PRIM2: variants seen among roughly 807,000 people sequenced by gnomAD.
The protein encoded by PRIM2 is DNA primase subunit 2.
In PRIM2, 39 loss-of-function variants were observed where a neutral mutation model predicts 67.3. The observed-to-expected ratio is 0.58, with a 90% CI of 0.45 to 0.76. PRIM2 has a LOEUF of 0.76. Ranked by LOEUF, PRIM2 falls within the 30% of genes least tolerant of loss-of-function variation. The pLI is 0.00. For synonymous variants in PRIM2, 143 were observed against 198.7 expected (o/e 0.72, Z 2.36); for missense variants, 398 against 598.7 (o/e 0.66, Z 3.50).
the PRIM2 span, among the ~76,000 whole-genome samples, chr6:57,268,179 A>T: frequency 2.0e-5 from 3 of 152,146 alleles, no homozygotes; most frequent in Non-Finnish European, 4.4e-5. Context: ...GGGAGGAGAC[A>T]TGTCTTCCTA....
intron 12 of PRIM2, among the ~76,000 whole-genome samples, chr6:57,618,083 T>C (rs1776785754): frequency 6.6e-6 from 1 of 152,224 alleles, no homozygotes; most frequent in Non-Finnish European, 1.5e-5. Context: ...ATTTCTACTG[T>C]ACTGGTCTAT....
At chr6:57,431,533 A>G (rs72873543) in intron 7 of PRIM2, among the ~76,000 whole-genome samples, 1 of 151,996 alleles carries the variant, frequency 6.6e-6, no homozygotes, top group Non-Finnish European at 1.5e-5. Flanking sequence ...AGGTGCACCC[A>G]GCTACTTGGG....
At chr6:57,256,868 TAGTCTAGTCTCCTA>T in the PRIM2 span, among the ~76,000 whole-genome samples, 2 of 152,238 alleles carry the variant, frequency 1.3e-5, no homozygotes, top group African/African-American at 4.8e-5. Flanking sequence ...ACTGATGTGC[TAGTCTAGTCTCCTA>T]CCTACTGCTA....
intron 7 of PRIM2, among the ~76,000 whole-genome samples, chr6:57,491,176 A>C (rs1310385384): frequency 1.1e-4 from 16 of 152,234 alleles, no homozygotes; most frequent in Non-Finnish European, 1.8e-4. Flanking sequence ...AAAACCAAAG[A>C]AATCTAAAAT....
intron 7 of PRIM2, chr6:57,383,614 C>CT (rs60585407): frequency 1.4e-5 from 2 of 142,090 alleles, no homozygotes; most frequent in Non-Finnish European, 3.1e-5. Flanking sequence ...ATGAAGTAGT[C>CT]TTTTTTTCCC....
intron 7 of PRIM2, among the ~76,000 whole-genome samples, chr6:57,478,326 GTTTTTTTTTTGT>G (rs1773528126): frequency 7.5e-6 from 1 of 133,758 alleles, no homozygotes; most frequent in South Asian, 2.4e-4. Flanking sequence ...TTGTGGTTGT[GTTTTTTTTTTGT>G]TTTTTTTTTT....
intron 7 of PRIM2, among the ~76,000 whole-genome samples, chr6:57,502,085 G>T (rs1554346923): frequency 0.046 from 6,994 of 152,114 alleles, 541 homozygotes; most frequent in African/African-American, 0.16. Flanking sequence ...CTATGTCATG[G>T]TCACTCTTTT....
intron 12 of PRIM2, among the ~76,000 whole-genome samples, chr6:57,631,384 A>C (rs1777037014): frequency 6.6e-6 from 1 of 152,150 alleles, no homozygotes. Context: ...GAGGCAATGA[A>C]ACTTTACAAA....
At chr6:57,232,626 TA>T in the PRIM2 span, among the ~76,000 whole-genome samples, 1 of 152,236 alleles carries the variant, frequency 6.6e-6, no homozygotes, top group East Asian at 1.9e-4. Flanking sequence ...AAGAGCCTTA[TA>T]TACATAAATC....
chr6:57,390,255 T>C (rs1443049226), intron 7 of PRIM2: 1 of 153,886 alleles, frequency 6.5e-6, no homozygotes, highest in Non-Finnish European at 1.5e-5. Flanking sequence ...AAGCATATGC[T>C]CTTTCTAGTT....
At chr6:57,466,011 C>T (rs918460397) in intron 7 of PRIM2, among the ~76,000 whole-genome samples, 1 of 152,024 alleles carries the variant, frequency 6.6e-6, no homozygotes, top group South Asian at 2.1e-4. Context: ...GTGATGTTCC[C>T]CTCCCTGTGT....
intron 10 of PRIM2, among the ~76,000 whole-genome samples, chr6:57,597,113 C>T (rs1582011841): frequency 6.6e-6 from 1 of 151,794 alleles, no homozygotes; most frequent in East Asian, 2.0e-4. Context: ...AAGTCCCTGC[C>T]CTTAACAGCA....
intron 10 of PRIM2, 50 bp from the exon 11 acceptor site, chr6:57,601,043 A>G: frequency 1.3e-6 from 2 of 1,518,610 alleles, no homozygotes; most frequent in Admixed American, 2.0e-5. Flanking sequence ...TGACCTCACT[A>G]GTATAATTAT....
chr6:57,570,964 A>G (rs1251440587), intron 10 of PRIM2, among the ~76,000 whole-genome samples: 1 of 152,170 alleles, frequency 6.6e-6, no homozygotes, highest in Admixed American at 6.5e-5. Context: ...CAAGATATGC[A>G]CAGGGGCAAT....
chr6:57,269,936 G>T, the PRIM2 span, among the ~76,000 whole-genome samples: 2 of 152,144 alleles, frequency 1.3e-5, no homozygotes, highest in Non-Finnish European at 2.9e-5. Flanking sequence ...AGATCAGATG[G>T]TTGTAGATAT....
At position 57,539,496 on chromosome 6, in the gene PRIM2, A is replaced by G. The variant is rs1485994880; in HGVS notation, c.1020+1871A>G. Among the ~76,000 whole-genome samples, 757 of 151,758 alleles carry G rather than the reference A, an allele frequency of 5.0e-3. 8 individuals are homozygous for G. The highest frequency in any genetic ancestry group is 0.017 in the African/African-American group (717 of 41,522). On this transcript the variant is annotated intron_variant, in intron 10 of 13. Transcript: ENST00000615550. The stretch of plus-strand genomic sequence containing the variant: ...TGACTCTGTTATATATGTTACTAAT[A>G]TAAATAACAGAGTCAAATAGCTAAT...
At chr6:57,575,645 GA>G (rs1775949539) in intron 10 of PRIM2, among the ~76,000 whole-genome samples, 1 of 152,148 alleles carries the variant, frequency 6.6e-6, no homozygotes, top group Non-Finnish European at 1.5e-5. Context: ...ATTTACTCTT[GA>G]GGGGTGATAA....
chr6:57,306,208 C>T, the PRIM2 span, among the ~76,000 whole-genome samples: 10 of 152,094 alleles, frequency 6.6e-5, no homozygotes, highest in Non-Finnish European at 1.0e-4. Context: ...TGGATTAAAC[C>T]CCATATGGTT....
intron 7 of PRIM2, among the ~76,000 whole-genome samples, chr6:57,384,830 A>G (rs1167706636): frequency 1.3e-5 from 2 of 152,212 alleles, no homozygotes; most frequent in Non-Finnish European, 2.9e-5. Flanking sequence ...TTTCAAGCCA[A>G]GCTGCCCAGT....
Sources: allele counts gnomAD v4.1 joint callset (sites outside exome capture counted in the v4.1 genomes callset), GRCh38; gene constraint gnomAD v4.1.1; transcripts MANE v1.5; gene names NCBI Gene and HGNC (gene_info 2026-07-23, HGNC 2026-07-21).